EPHB1: variants seen among roughly 807,000 people sequenced by gnomAD.
EPHB1 encodes the protein ephrin type-B receptor 1.
Under a neutral mutation model 94.4 loss-of-function variants are expected in EPHB1, and 30 were observed. That is an observed-to-expected ratio of 0.32 (90% CI 0.24 to 0.43). The LOEUF (loss-of-function observed/expected upper bound fraction) is 0.43. Among genes scored for constraint, EPHB1 ranks in the 20% least tolerant of loss-of-function variants. The pLI is 1.00. For missense variants in EPHB1, 1,055 were observed against 1,308.3 expected, an observed-to-expected ratio of 0.81 and a Z score of 2.99; for synonymous variants, 522 against 489.1, an observed-to-expected ratio of 1.07 and a Z score of -0.89.
rs144683179 is a variant in EPHB1, at chr3:135,070,806, G to A, written c.806-35642G>A. Among the ~76,000 whole-genome samples the A allele has an allele frequency of 1.8e-3, 269 of 152,280 alleles. 1 individual carries two copies. Among genetic ancestry groups the A allele is most frequent in the African/African-American group, 6.2e-3 (259 of 41,542 alleles). On this transcript the variant is annotated intron_variant, in intron 3 of 15. Transcript: ENST00000398015. Reference sequence around the variant, plus strand: ...TTGTTTTGCATTCCTAAAGTTAAGTGTTGAGAGTTATGTGATGGATGGTAG... The same window carrying A: ...TTGTTTTGCATTCCTAAAGTTAAGTATTGAGAGTTATGTGATGGATGGTAG...
At chr3:135,012,221 A>T (rs1444641584) in intron 3 of EPHB1, among the ~76,000 whole-genome samples, 1 of 152,232 alleles carries the variant, frequency 6.6e-6, no homozygotes, top group East Asian at 1.9e-4. Context: ...AGTAGTGCTC[A>T]GCTGAGCACA....
At chr3:135,143,704 C>A (rs886252329) in intron 5 of EPHB1, among the ~76,000 whole-genome samples, 2 of 152,152 alleles carry the variant, frequency 1.3e-5, no homozygotes, top group Non-Finnish European at 1.5e-5. Flanking sequence ...ATGTGAGTAC[C>A]AATGGTTGTG....
chr3:134,820,807 C>A (rs145994503), intron 1 of EPHB1, among the ~76,000 whole-genome samples: 1 of 152,120 alleles, frequency 6.6e-6, no homozygotes, highest in Non-Finnish European at 1.5e-5. Context: ...TCAAAAGAAA[C>A]AAAAACCAGA....
intron 12 of EPHB1, among the ~76,000 whole-genome samples, chr3:135,235,190 T>C (rs1345341116): frequency 6.6e-6 from 1 of 152,230 alleles, no homozygotes; most frequent in Non-Finnish European, 1.5e-5. Flanking sequence ...TAGTCATTAG[T>C]CAAAACCTCT....
chr3:135,241,341 G>T, intron 13 of EPHB1, 44 bp downstream of exon 13: 1 of 1,610,012 alleles, frequency 6.2e-7, no homozygotes, highest in South Asian at 1.1e-5. Flanking sequence ...CCCATTGAAG[G>T]GATCCCAAAG....
intron 3 of EPHB1, among the ~76,000 whole-genome samples, chr3:134,991,301 G>A (rs1351019175): frequency 6.6e-6 from 1 of 152,118 alleles, no homozygotes; most frequent in African/African-American, 2.4e-5. Flanking sequence ...GAGGAGGGCT[G>A]GAAAGTACAG....
At chr3:134,925,522 A>G (rs2038773040) in intron 1 of EPHB1, among the ~76,000 whole-genome samples, 1 of 152,224 alleles carries the variant, frequency 6.6e-6, no homozygotes, top group Non-Finnish European at 1.5e-5. Context: ...TAGTGGGTGC[A>G]CAGATGACTT....
intron 1 of EPHB1, among the ~76,000 whole-genome samples, chr3:134,925,507 T>C (rs2038772812): frequency 6.6e-6 from 1 of 152,162 alleles, no homozygotes; most frequent in Non-Finnish European, 1.5e-5. Context: ...GTCTTGGCGG[T>C]AAAGTAGTGG....
At chr3:134,796,041 T>C (rs981413622) in intron 1 of EPHB1, 1 of 349,500 alleles carries the variant, frequency 2.9e-6, no homozygotes, top group South Asian at 3.5e-5. Context: ...GAGCTGGGCG[T>C]TGGGGAGAAA....
chr3:135,006,484 A>G (rs1935420428), intron 3 of EPHB1, among the ~76,000 whole-genome samples: 1 of 152,272 alleles, frequency 6.6e-6, no homozygotes, highest in South Asian at 2.1e-4. Flanking sequence ...ATTTAGTTAC[A>G]GTATTTTGCA....
intron 1 of EPHB1, among the ~76,000 whole-genome samples, chr3:134,870,468 A>G (rs933462270): frequency 6.6e-6 from 1 of 152,166 alleles, no homozygotes; most frequent in African/African-American, 2.4e-5. Flanking sequence ...CCTGCCATCA[A>G]CTGGGGAATA....
In EPHB1 at chr3:135,132,206, G is replaced by A. The variant is rs114391251; in HGVS notation, c.962-508G>A. Among the ~76,000 whole-genome samples, 612 of 152,256 alleles carry A rather than the reference G, an allele frequency of 4.0e-3. 6 individuals carry two copies. Among genetic ancestry groups the A allele is most frequent in the African/African-American group, 0.014 (581 of 41,540 alleles). Reference sequence around the variant, plus strand: ...TGCTCTGGAAGCCTGTCCCTACAGAGATGCATCCCTGCTACCACGCACACA... The same window carrying A: ...TGCTCTGGAAGCCTGTCCCTACAGAAATGCATCCCTGCTACCACGCACACA... On this transcript the variant is annotated intron_variant, in intron 4 of 15. Transcript: ENST00000398015.
intron 1 of EPHB1, among the ~76,000 whole-genome samples, chr3:134,861,223 G>C (rs1288386804): frequency 6.6e-6 from 1 of 152,156 alleles, no homozygotes; most frequent in Non-Finnish European, 1.5e-5. Flanking sequence ...AATATGAAGA[G>C]ATGTCAAGTA....
chr3:135,062,080 T>C (rs1327197941), intron 3 of EPHB1, among the ~76,000 whole-genome samples: 3 of 152,354 alleles, frequency 2.0e-5, no homozygotes, highest in African/African-American at 4.8e-5. Context: ...CACAGTTTCT[T>C]TGTCCACTCG....
intron 10 of EPHB1, 21 bp downstream of exon 10, chr3:135,180,003 G>A (rs774777277): frequency 6.2e-7 from 1 of 1,613,124 alleles, no homozygotes; most frequent in Non-Finnish European, 8.5e-7. Flanking sequence ...TCCCTGTCTT[G>A]TTTCTGTTCT....
chr3:135,256,644 C>T (rs911347822), intron 15 of EPHB1, among the ~76,000 whole-genome samples: 2 of 152,142 alleles, frequency 1.3e-5, no homozygotes, highest in South Asian at 2.1e-4. Flanking sequence ...CTCTGGCTGC[C>T]CTTAACATTT....
intron 13 of EPHB1, among the ~76,000 whole-genome samples, chr3:135,242,454 T>C (rs1943809781): frequency 6.6e-6 from 1 of 152,204 alleles, no homozygotes. Context: ...CCATGGCAGC[T>C]GCTCGGAAGA....
intron 3 of EPHB1, among the ~76,000 whole-genome samples, chr3:135,038,698 C>T (rs1296266717): frequency 1.3e-5 from 2 of 151,886 alleles, no homozygotes; most frequent in Non-Finnish European, 2.9e-5. Context: ...CTGGTGGGTT[C>T]GTGGTCTCGC....
intron 1 of EPHB1, among the ~76,000 whole-genome samples, chr3:134,889,509 G>T (rs931478376): frequency 2.0e-5 from 3 of 151,992 alleles, no homozygotes; most frequent in African/African-American, 7.2e-5. Flanking sequence ...AATAATGGGG[G>T]TATTTCTAAA....
Sources: gnomAD v4.1 joint callset for allele counts (sites outside exome capture counted in the v4.1 genomes callset) on GRCh38, gnomAD v4.1.1 for gene constraint, MANE v1.5 for transcripts, NCBI Gene and HGNC (gene_info 2026-07-23, HGNC 2026-07-21) for gene names.